SLC30A8: variants seen among roughly 807,000 people sequenced by gnomAD.
SLC30A8 encodes proton-coupled zinc antiporter SLC30A8.
Under a neutral mutation model 36.9 loss-of-function variants are expected in SLC30A8, and 27 were observed. The ratio of observed to expected loss-of-function variants is 0.73; its 90% CI spans 0.54 to 1.01. The LOEUF (loss-of-function observed/expected upper bound fraction) is 1.01, where lower values mean the gene tolerates loss of function less well. SLC30A8 is among the 50% of genes least tolerant of loss of function. SLC30A8 has a pLI of 0.00. For missense variants in SLC30A8, 439 were observed against 452.0 expected (o/e 0.97, Z 0.26); for synonymous variants, 164 against 172.4 (o/e 0.95, Z 0.38).
intron 1 of SLC30A8, among the ~76,000 whole-genome samples, chr8:116,973,841 A>T (rs1002160448): frequency 2.0e-5 from 3 of 152,202 alleles, no homozygotes; most frequent in Admixed American, 6.5e-5. Context: ...CAAAACAGAG[A>T]TATAGACCAA....
intron 2 of SLC30A8, among the ~76,000 whole-genome samples, chr8:117,097,428 A>T (rs7827082): frequency 2.0e-4 from 24 of 117,078 alleles, no homozygotes; most frequent in South Asian, 7.2e-4. Flanking sequence ...AATATATATA[A>T]ATATATATAA....
At chr8:117,131,139 A>G (rs1371145393), upstream of SLC30A8, among the ~76,000 whole-genome samples, 1 of 151,934 alleles carries the variant, frequency 6.6e-6, no homozygotes. Flanking sequence ...TAAACATCAT[A>G]TTGCTTTCGG....
intron 1 of SLC30A8, among the ~76,000 whole-genome samples, chr8:117,029,029 C>T (rs956187201): frequency 1.3e-5 from 2 of 152,090 alleles, no homozygotes; most frequent in Admixed American, 1.3e-4. Context: ...AAAATGCATT[C>T]ATTTAAGGAG....
At chr8:116,960,963 A>C (rs1814395578) in intron 1 of SLC30A8, among the ~76,000 whole-genome samples, 1 of 152,110 alleles carries the variant, frequency 6.6e-6, no homozygotes, top group Admixed American at 6.5e-5. Context: ...GAGTATCCTT[A>C]AGATCTCTGT....
intron 2 of SLC30A8, among the ~76,000 whole-genome samples, chr8:117,090,890 A>T: frequency 1.3e-5 from 2 of 152,206 alleles, no homozygotes; most frequent in Middle Eastern, 6.8e-3. Flanking sequence ...GGCAAAACCA[A>T]TGTCTTATTG....
chr8:116,987,252 A>T (rs998994257), intron 1 of SLC30A8, among the ~76,000 whole-genome samples: 1 of 139,764 alleles, frequency 7.2e-6, no homozygotes, highest in African/African-American at 2.6e-5. Context: ...TAACATGGAC[A>T]CAGGAAGGGG....
At chr8:116,966,407 T>G (rs2130605892) in intron 1 of SLC30A8, among the ~76,000 whole-genome samples, 1 of 152,278 alleles carries the variant, frequency 6.6e-6, no homozygotes, top group Middle Eastern at 3.4e-3. Context: ...TCAGGCCCTT[T>G]AACTGAGAAT....
intron 2 of SLC30A8, among the ~76,000 whole-genome samples, chr8:117,081,069 G>A (rs1243633890): frequency 1.3e-5 from 2 of 151,892 alleles, no homozygotes; most frequent in East Asian, 1.9e-4. Flanking sequence ...GTCATTTTTT[G>A]TAAACTGCAG....
chr8:117,038,665 T>C (rs1009561459), intron 1 of SLC30A8, among the ~76,000 whole-genome samples: 2 of 152,202 alleles, frequency 1.3e-5, no homozygotes, highest in South Asian at 2.1e-4. Context: ...AAAAGGTATA[T>C]GAATTTAAAT....
intron 2 of SLC30A8, among the ~76,000 whole-genome samples, chr8:117,092,343 C>A (rs1485100439): frequency 2.0e-5 from 3 of 151,402 alleles, no homozygotes; most frequent in African/African-American, 7.3e-5. Flanking sequence ...TTTATTTTTT[C>A]TTTACCTACA....
intron 2 of SLC30A8, among the ~76,000 whole-genome samples, chr8:117,060,304 C>T (rs1044485800): frequency 6.6e-5 from 10 of 151,936 alleles, no homozygotes; most frequent in African/African-American, 1.5e-4. Context: ...AGCAAGCAAG[C>T]GGGTGGGAGC....
chr8:117,078,066 ATTTTCC>A (rs1312044277), intron 2 of SLC30A8, among the ~76,000 whole-genome samples: 3 of 152,208 alleles, frequency 2.0e-5, no homozygotes, highest in African/African-American at 7.2e-5. Context: ...TTTCTCTTAC[ATTTTCC>A]TTTTCATGTA....
intron 1 of SLC30A8, among the ~76,000 whole-genome samples, chr8:116,993,979 A>G (rs1426749339): frequency 6.6e-6 from 1 of 151,930 alleles, no homozygotes; most frequent in Non-Finnish European, 1.5e-5. Flanking sequence ...AAATCTTAGC[A>G]TTTCTATACT....
chr8:116,964,540 C>T (rs1455793092), intron 1 of SLC30A8, among the ~76,000 whole-genome samples: 2 of 152,180 alleles, frequency 1.3e-5, no homozygotes, highest in Admixed American at 1.3e-4. Flanking sequence ...AGCTCATCAT[C>T]CTAGCAAAGT....
rs67998633 is a variant in SLC30A8, at chr8:116,979,238, C to CAA, written c.-266+28144_-266+28145dup. ...TGGGCAATAGCGTGAGACCCTGTCT[C>CAA]AAAAAAAAAAAAAAAAAAAAAAAAA... On this transcript the variant is annotated intron_variant, in intron 1 of 10. Transcript: ENST00000427715. Among the ~76,000 whole-genome samples the CAA allele has an allele frequency of 1.5e-3, 96 of 64,260 alleles. 2 individuals are homozygous for CAA. Among genetic ancestry groups the CAA allele is most frequent in the African/African-American group, 4.5e-3 (77 of 17,130 alleles). 42.2% of individuals were successfully genotyped at this position (64,260 alleles called of 152,430 possible). A position where few individuals can be genotyped will look rare whatever the true frequency, so the allele number is the denominator to read the frequency against.
At chr8:117,068,086 T>C (rs1818221700) in intron 2 of SLC30A8, among the ~76,000 whole-genome samples, 1 of 152,198 alleles carries the variant, frequency 6.6e-6, no homozygotes, top group South Asian at 2.1e-4. Context: ...AATCAATCTT[T>C]TTGTTCTATT....
At chr8:117,094,739 C>G (rs1411507482) in intron 2 of SLC30A8, among the ~76,000 whole-genome samples, 1 of 152,212 alleles carries the variant, frequency 6.6e-6, no homozygotes, top group Non-Finnish European at 1.5e-5. Context: ...GGACCCGTCC[C>G]TTTCCACCCA....
At chr8:117,144,988 ATCTC>A (rs1432102789) in intron 1 of SLC30A8, among the ~76,000 whole-genome samples, 1 of 152,150 alleles carries the variant, frequency 6.6e-6, no homozygotes, top group African/African-American at 2.4e-5. Context: ...AGAGGGGATA[ATCTC>A]TCTATGTATC....
intron 2 of SLC30A8, among the ~76,000 whole-genome samples, chr8:117,116,515 T>A (rs1296612855): frequency 6.6e-6 from 1 of 152,032 alleles, no homozygotes; most frequent in Non-Finnish European, 1.5e-5. Context: ...TAGCTGTAAG[T>A]GTACTCTTTC....
Sources: gnomAD v4.1 joint callset for allele counts (sites outside exome capture counted in the v4.1 genomes callset) on GRCh38, gnomAD v4.1.1 for gene constraint, MANE v1.5 for transcripts, NCBI Gene and HGNC (gene_info 2026-07-23, HGNC 2026-07-21) for gene names.